The following SH3BGRL variants were observed in gnomAD, a reference collection of about 807,000 sequenced individuals.
SH3BGRL encodes the protein adapter SH3BGRL.
Under a neutral mutation model 9.8 loss-of-function variants are expected in SH3BGRL, and 7 were observed. The ratio of observed to expected loss-of-function variants is 0.72; its 90% confidence interval spans 0.41 to 1.35. SH3BGRL has a LOEUF of 1.35. Ranked by LOEUF, SH3BGRL falls within the 40% of genes most tolerant of loss-of-function variation. SH3BGRL has a pLI of 0.01. For synonymous variants in SH3BGRL, 36 were observed against 29.1 expected, an observed-to-expected ratio of 1.24 and a Z score of -0.76; for missense variants, 73 against 84.4, an observed-to-expected ratio of 0.86 and a Z score of 0.53.
chrX:81,249,635 G>A (rs2075702754), intron 1 of SH3BGRL, among the ~76,000 whole-genome samples: 1 of 111,867 alleles, frequency 8.9e-6, no homozygotes, highest in Non-Finnish European at 1.9e-5. Flanking sequence ...TAGTATTTTT[G>A]TCTTCTCTTG....
chrX:81,233,364 A>T (rs1288809251), intron 1 of SH3BGRL, among the ~76,000 whole-genome samples: 1 of 111,804 alleles, frequency 8.9e-6, no homozygotes, highest in East Asian at 2.8e-4. Flanking sequence ...CATATTCTTC[A>T]TCCCGACAGA....
At chrX:81,274,196 G>A (rs988020330) in intron 1 of SH3BGRL, among the ~76,000 whole-genome samples, 1 of 111,549 alleles carries the variant, frequency 9.0e-6, no homozygotes, top group African/African-American at 3.3e-5. Context: ...ATGGTTTTCA[G>A]TCTCATGCAT....
intron 1 of SH3BGRL, among the ~76,000 whole-genome samples, chrX:81,209,285 C>T (rs2075556596): frequency 9.0e-6 from 1 of 110,963 alleles, no homozygotes; most frequent in East Asian, 2.8e-4. Flanking sequence ...TGGGATTACA[C>T]GCGTGAGCCA....
intron 1 of SH3BGRL, among the ~76,000 whole-genome samples, chrX:81,212,146 T>A (rs2075566503): frequency 1.8e-5 from 2 of 110,766 alleles, no homozygotes; most frequent in Non-Finnish European, 3.8e-5. Flanking sequence ...GTAATCCTAG[T>A]AACTTGGGAG....
chrX:81,266,724 T>G (rs2075758315), intron 1 of SH3BGRL, among the ~76,000 whole-genome samples: 1 of 112,130 alleles, frequency 8.9e-6, no homozygotes, highest in African/African-American at 3.2e-5. Context: ...TTAAAGTAGT[T>G]TTTCCCAATT....
intron 1 of SH3BGRL, among the ~76,000 whole-genome samples, chrX:81,238,853 G>T (rs937706653): frequency 3.7e-5 from 4 of 109,301 alleles, no homozygotes; most frequent in Non-Finnish European, 7.6e-5. Context: ...TTGCTTGGGA[G>T]AAGGTAAGGG....
At chrX:81,215,652 T>C (rs750998116) in intron 1 of SH3BGRL, among the ~76,000 whole-genome samples, 56 of 111,000 alleles carry the variant, frequency 5.0e-4, no homozygotes, top group Non-Finnish European at 9.3e-4. Flanking sequence ...TCATAGAAAT[T>C]AGCATTCTCC....
At chrX:81,287,102 A>G (rs1431783882) in intron 3 of SH3BGRL, among the ~76,000 whole-genome samples, 1 of 111,206 alleles carries the variant, frequency 9.0e-6, no homozygotes, top group African/African-American at 3.3e-5. Flanking sequence ...TAGGGAAATA[A>G]ACTTCTTTCC....
intron 1 of SH3BGRL, among the ~76,000 whole-genome samples, chrX:81,230,338 A>G (rs1367167267): frequency 8.9e-6 from 1 of 112,127 alleles, no homozygotes; most frequent in Non-Finnish European, 1.9e-5. Context: ...AAGTAAATGC[A>G]TAAATAAGTA....
intron 1 of SH3BGRL, among the ~76,000 whole-genome samples, chrX:81,238,493 G>A (rs1319404859): frequency 8.9e-6 from 1 of 111,779 alleles, no homozygotes; most frequent in Non-Finnish European, 1.9e-5. Flanking sequence ...AACACCAGGT[G>A]GACTGCTAAG....
chrX:81,266,821 A>T (rs1456720927), intron 1 of SH3BGRL, among the ~76,000 whole-genome samples: 2 of 112,189 alleles, frequency 1.8e-5, no homozygotes, highest in Non-Finnish European at 3.8e-5. Flanking sequence ...AACGATATTG[A>T]TTCTTCCTAT....
intron 1 of SH3BGRL, among the ~76,000 whole-genome samples, chrX:81,221,269 ATTTTT>A (rs2147672735): frequency 9.0e-6 from 1 of 111,416 alleles, no homozygotes; most frequent in Non-Finnish European, 1.9e-5. Context: ...AGCTCTAATA[ATTTTT>A]GCCTTATATA....
intron 1 of SH3BGRL, among the ~76,000 whole-genome samples, chrX:81,245,120 A>C (rs1379850811): frequency 1.8e-5 from 2 of 112,192 alleles, no homozygotes; most frequent in Non-Finnish European, 3.8e-5. Context: ...TTTTACAGTG[A>C]TTAAAGCATC....
At chrX:81,253,163 T>C (rs757558580) in intron 1 of SH3BGRL, among the ~76,000 whole-genome samples, 20 of 111,942 alleles carry the variant, frequency 1.8e-4, no homozygotes, top group African/African-American at 5.8e-4. Context: ...ACTTTTCGTC[T>C]TTTGGTAAAT....
rs528427212 is a variant in SH3BGRL, at chrX:81,236,878, G to T, written c.45+34633G>T. On this transcript the variant is annotated intron_variant, in intron 1 of 3. Transcript: ENST00000373212. The stretch of plus-strand genomic sequence containing the variant: ...TGTTGTGTGTGTGTGAGGGAAGGAC[G>T]GAGGGAGAGAGAGAGGCTGAGGGAG... Among the ~76,000 whole-genome samples, 53 of 102,955 alleles carry T rather than the reference G, an allele frequency of 5.1e-4. 1 individual carries two copies. In the South Asian group the frequency reaches 0.025, roughly 49 times the overall value. The allele number at this position is 102,955 out of a possible 115,157, so 89.4% of individuals were successfully genotyped here. A position where few individuals can be genotyped will look rare whatever the true frequency, so the allele number is the denominator to read the frequency against.
At chrX:81,207,648 G>A (rs1402004506) in intron 1 of SH3BGRL, among the ~76,000 whole-genome samples, 4 of 112,250 alleles carry the variant, frequency 3.6e-5, no homozygotes, top group Non-Finnish European at 7.5e-5. Context: ...GTTTAAAGGT[G>A]TTCATAGAAG....
At chrX:81,226,655 A>G (rs1296615561) in intron 1 of SH3BGRL, among the ~76,000 whole-genome samples, 1 of 106,659 alleles carries the variant, frequency 9.4e-6, no homozygotes, top group Non-Finnish European at 1.9e-5. Flanking sequence ...TGGGCCCTAA[A>G]TGTAATAACA....
At chrX:81,235,623 A>G (rs2075645584) in intron 1 of SH3BGRL, among the ~76,000 whole-genome samples, 1 of 111,605 alleles carries the variant, frequency 9.0e-6, no homozygotes, top group Non-Finnish European at 1.9e-5. Context: ...TTTCTGAAGT[A>G]TATTTTCAGT....
intron 1 of SH3BGRL, chrX:81,237,329 A>G: frequency 3.1e-6 from 1 of 319,619 alleles, no homozygotes; most frequent in South Asian, 2.8e-5. Context: ...TGAAAGAGGC[A>G]CTGAAAAGGT....
Sources: gnomAD v4.1 joint callset for allele counts (sites outside exome capture counted in the v4.1 genomes callset) on GRCh38, gnomAD v4.1.1 for gene constraint, MANE v1.5 for transcripts, NCBI Gene and HGNC (gene_info 2026-07-23, HGNC 2026-07-21) for gene names.